Variants in C10orf53 observed in about 807,000 individuals in gnomAD.
C10orf53 encodes the protein UPF0728 protein C10orf53.
A neutral mutation model predicts 9.4 loss-of-function variants in C10orf53; 8 were observed. The observed-to-expected ratio is 0.85, with a 90% confidence interval of 0.50 to 1.53. The LOEUF (loss-of-function observed/expected upper bound fraction) is 1.53, where lower values mean the gene tolerates loss of function less well. Ranked by LOEUF, C10orf53 falls within the 40% of genes most tolerant of loss-of-function variation. C10orf53 has a pLI of 0.00. For synonymous variants in C10orf53, 48 were observed against 46.0 expected (o/e 1.04, Z -0.18); for missense variants, 117 against 117.8 (o/e 0.99, Z 0.03).
At chr10:49,684,598 T>C (rs1176158990) in intron 1 of C10orf53, among the ~76,000 whole-genome samples, 1 of 136,228 alleles carries the variant, frequency 7.3e-6, no homozygotes, top group Non-Finnish European at 1.6e-5. Context: ...ATTCCTGTTT[T>C]GTTCTTTTAG....
chr10:49,705,700 T>C (rs1468459582), intron 2 of C10orf53, among the ~76,000 whole-genome samples: 1 of 151,982 alleles, frequency 6.6e-6, no homozygotes, highest in Non-Finnish European at 1.5e-5. Context: ...CAGTTAAATC[T>C]TCATGACCTT....
At chr10:49,679,862 G>C (rs536237267) in intron 1 of C10orf53, 68 bp downstream of exon 1, 43 of 1,391,372 alleles carry the variant, frequency 3.1e-5, no homozygotes, top group South Asian at 2.8e-4. Context: ...GTGGTGCCCT[G>C]TGCCTAGGCC....
At position 49,708,434 on chromosome 10, in the gene C10orf53, G is replaced by A. The variant is rs76546287; in HGVS notation, c.291G>A (p.Pro97=). 2.1e-4 allele frequency: 333 copies of A among 1,614,156 alleles called. 2 individuals are homozygous for A. The East Asian group carries it at 6.7e-3, about 32-fold the overall frequency. Residue 97 remains proline (P), a synonymous_variant, in exon 3 of 3, where the codon CCG becomes CCA. Transcript: ENST00000374112. Reference sequence around the variant, plus strand: ...TGACATTTCACCAGCTTAGCAGCCCGTGTAGGATGAAAGTTTCTCCTTTGC... The same window carrying A: ...TGACATTTCACCAGCTTAGCAGCCCATGTAGGATGAAAGTTTCTCCTTTGC...
At chr10:49,680,664 A>C (rs1476361574) in intron 1 of C10orf53, among the ~76,000 whole-genome samples, 1 of 152,218 alleles carries the variant, frequency 6.6e-6, no homozygotes, top group Non-Finnish European at 1.5e-5. Flanking sequence ...AGGGGGCAAG[A>C]GTGGAAACAA....
chr10:49,685,884 G>A (rs533922575), intron 1 of C10orf53, among the ~76,000 whole-genome samples: 1 of 152,158 alleles, frequency 6.6e-6, no homozygotes, highest in South Asian at 2.1e-4. Flanking sequence ...TCAAATTTGG[G>A]GAGTTTTCAG....
chr10:49,698,182 T>C (rs1840652344), downstream of C10orf53, among the ~76,000 whole-genome samples: 1 of 152,152 alleles, frequency 6.6e-6, no homozygotes, highest in Admixed American at 6.5e-5. Flanking sequence ...CCCAGCTATT[T>C]GGTAGACTGA....
chr10:49,707,131 C>A (rs781284447), intron 2 of C10orf53, among the ~76,000 whole-genome samples: 1 of 142,504 alleles, frequency 7.0e-6, no homozygotes, highest in Non-Finnish European at 1.6e-5. Context: ...TGGTCACCTG[C>A]CTCACATGGA....
At chr10:49,705,873 ATAAAGTACTTGTATC>A (rs1840719240) in intron 2 of C10orf53, among the ~76,000 whole-genome samples, 1 of 152,214 alleles carries the variant, frequency 6.6e-6, no homozygotes, top group Admixed American at 6.5e-5. Flanking sequence ...CATATATCTG[ATAAAGTACTTGTATC>A]TAAAATAAAG....
In C10orf53 at chr10:49,679,741, G is replaced by A; in HGVS notation, c.44G>A (p.Ser15Asn). 1 of 1,547,628 alleles carries A rather than the reference G, an allele frequency of 6.5e-7. No individual in the cohort carries two copies. The highest frequency in any genetic ancestry group is 8.7e-7 in the Non-Finnish European group (1 of 1,145,990). ...AVVILRYGPYSAAGLPVEHHT... is the reference protein window; with the variant it reads ...AVVILRYGPYNAAGLPVEHHT... ...GTCATCCTGCGCTATGGGCCCTACA[G>A]CGCGGCAGGCCTACCGGTGGAGCAC... is the stretch of plus-strand genomic sequence containing the variant. The change falls in exon 1 of 3, where the codon AGC becomes AAC. Residue 15 changes from serine (S) to asparagine (N), a missense_variant. Physicochemically the swap from Ser to Asn is conservative, Grantham distance 46. Coordinates refer to ENST00000374111, the MANE Select transcript of C10orf53 (RefSeq NM_001042427.3).
downstream of C10orf53, among the ~76,000 whole-genome samples, chr10:49,697,565 T>C (rs1840646667): frequency 6.6e-6 from 1 of 152,248 alleles, no homozygotes; most frequent in South Asian, 2.1e-4. Context: ...TAATTTTTTT[T>C]GTTTTTGAGA....
At position 49,694,728 on chromosome 10, in the gene C10orf53, C is replaced by T. The variant is rs763455967; in HGVS notation, c.*126C>T. 2.6e-5 allele frequency: 39 copies of T among 1,495,706 alleles called. No individual in the cohort carries two copies. The highest frequency in any genetic ancestry group is 4.6e-5 in the Admixed American group (2 of 43,806). 92.7% of individuals were successfully genotyped at this position (1,495,706 alleles called of 1,614,324 possible). On this transcript the variant is annotated 3_prime_UTR_variant, in exon 3 of 3. Coordinates refer to ENST00000374111, the MANE Select transcript of C10orf53 (RefSeq NM_001042427.3). Reference sequence around the variant, plus strand: ...CTCTGCTAGTCAGAACAGGGCAACTCGGGCCTGACCTCCAGCTTACGCAGC... The same window carrying T: ...CTCTGCTAGTCAGAACAGGGCAACTTGGGCCTGACCTCCAGCTTACGCAGC...
downstream of C10orf53, among the ~76,000 whole-genome samples, chr10:49,699,486 C>T (rs1001034060): frequency 6.6e-6 from 1 of 151,992 alleles, no homozygotes; most frequent in African/African-American, 2.4e-5. Context: ...CAAGCCACCA[C>T]ACCCAGTATG....
intron 1 of C10orf53, among the ~76,000 whole-genome samples, chr10:49,686,052 T>C (rs1171736834): frequency 6.6e-6 from 1 of 152,144 alleles, no homozygotes; most frequent in Non-Finnish European, 1.5e-5. Context: ...TCAGACTGGG[T>C]TGTTGCAGGA....
At chr10:49,702,890 C>G (rs1184502706) in intron 2 of C10orf53, among the ~76,000 whole-genome samples, 1 of 152,110 alleles carries the variant, frequency 6.6e-6, no homozygotes, top group Non-Finnish European at 1.5e-5. Context: ...TGTTCTGGTC[C>G]ATGATGTCTA....
chr10:49,697,299 G>A lies in C10orf53; in HGVS notation c.*2697G>A, dbSNP rs1382999814. 1.3e-5 allele frequency among the ~76,000 whole-genome samples: 2 copies of A among 152,206 alleles called. No individual in the cohort carries two copies. The highest frequency in any genetic ancestry group is 1.3e-4 in the Admixed American group (2 of 15,290). ...CTCTATGGAAATCTCTGAAGAATGT[G>A]CTGTCATCCTCCTCCTTTGCCTCCC... On this transcript the variant is annotated 3_prime_UTR_variant, in exon 3 of 3. Coordinates refer to ENST00000374111, the MANE Select transcript of C10orf53 (RefSeq NM_001042427.3).
chr10:49,693,402 G>T (rs879618281), intron 1 of C10orf53, among the ~76,000 whole-genome samples: 12 of 152,258 alleles, frequency 7.9e-5, no homozygotes, highest in Non-Finnish European at 1.8e-4. Flanking sequence ...TGTTCAATTT[G>T]TACTTTCATC....
rs1840720303 is a variant in C10orf53 at position 49,706,072 on chromosome 10, A to G, written c.218-2289A>G. Among the ~76,000 whole-genome samples, 3 of 151,808 alleles carry G rather than the reference A, an allele frequency of 2.0e-5. No individual in the cohort carries two copies. In the South Asian group the frequency reaches 6.3e-4, roughly 32 times the overall value. ...AATGACATACAATTTCGCACCCACA[A>G]AGATGGGTTCTAGCAAATAGTCAAC... On this transcript the variant is annotated intron_variant, in intron 2 of 2. Coordinates refer to the C10orf53 transcript ENST00000374112.
intron 1 of C10orf53, among the ~76,000 whole-genome samples, chr10:49,688,329 CA>C (rs1311547248): frequency 6.6e-6 from 1 of 152,138 alleles, no homozygotes; most frequent in Non-Finnish European, 1.5e-5. Context: ...GCTCTGCCCT[CA>C]AAGTACGCCC....
chr10:49,686,601 G>C (rs897278999), intron 1 of C10orf53, among the ~76,000 whole-genome samples: 2 of 152,244 alleles, frequency 1.3e-5, no homozygotes, highest in East Asian at 3.9e-4. Flanking sequence ...TGCATTCCAG[G>C]GGGTAGGTCT....
Sources: allele counts gnomAD v4.1 joint callset (sites outside exome capture counted in the v4.1 genomes callset), GRCh38; gene constraint gnomAD v4.1.1; transcripts MANE v1.5; gene names NCBI Gene and HGNC (gene_info 2026-07-23, HGNC 2026-07-21).